GABRR1: variants seen among roughly 807,000 people sequenced by gnomAD.
The protein encoded by GABRR1 is gamma-aminobutyric acid receptor subunit rho-1.
A neutral mutation model predicts 55.5 loss-of-function variants in GABRR1; 59 were observed. That is an observed-to-expected ratio of 1.06 (90% CI 0.86 to 1.32). The LOEUF (loss-of-function observed/expected upper bound fraction) is 1.32. Among genes scored for constraint, GABRR1 ranks in the 40% most tolerant of loss-of-function variants. The pLI is 0.00. For synonymous variants in GABRR1, 213 were observed against 226.0 expected, an observed-to-expected ratio of 0.94 and a Z score of 0.51; for missense variants, 602 against 619.1, an observed-to-expected ratio of 0.97 and a Z score of 0.29.
At chr6:89,187,613 C>T (rs7751128) in intron 6 of GABRR1, among the ~76,000 whole-genome samples, 11 of 152,262 alleles carry the variant, frequency 7.2e-5, no homozygotes, top group East Asian at 5.8e-4. Flanking sequence ...TTAACAATAA[C>T]GCCTCATCCC....
intron 7 of GABRR1, 103 bp from the exon 8 acceptor site, chr6:89,182,160 T>C: frequency 9.4e-7 from 1 of 1,061,660 alleles, no homozygotes. Flanking sequence ...AATGGACTCT[T>C]ATCATGTCTT....
At position 89,178,842 on chromosome 6, in the gene GABRR1, A is replaced by G. The variant is rs759808072; in HGVS notation, c.1368T>C (p.Asp456=). Residue 456 remains aspartate, a synonymous_variant, in exon 10 of 10, where the codon GAT becomes GAC. Transcript: ENST00000454853. ...VSMRIDTHAI[D]KYSRIIFPAA... ...CTGGAAAGATGATCCTGGAGTATTT[A>G]TCAATGGCGTGGGTGTCGATTCTCA... is the stretch of plus-strand genomic sequence containing the variant. 1.2e-6 allele frequency: 2 copies of G among 1,614,202 alleles called. No individual in the cohort carries two copies. The highest frequency in any genetic ancestry group is 2.2e-5 in the South Asian group (2 of 91,088).
At chr6:89,217,389 T>A, upstream of GABRR1, 11 of 1,553,550 alleles carry the variant, frequency 7.1e-6, no homozygotes, top group Non-Finnish European at 9.6e-6. Flanking sequence ...TTTTTCTCTC[T>A]TAAGACATTA....
At chr6:89,204,661 A>G (rs1184586538) in intron 1 of GABRR1, 7 of 1,288,134 alleles carry the variant, frequency 5.4e-6, no homozygotes, top group Non-Finnish European at 7.1e-6. Context: ...AAATTCTGAG[A>G]TGCCACTGCC....
chr6:89,192,090 C>T (rs1419437237), intron 5 of GABRR1, among the ~76,000 whole-genome samples: 1 of 151,910 alleles, frequency 6.6e-6, no homozygotes, highest in Non-Finnish European at 1.5e-5. Context: ...TCAGTTTCTG[C>T]CTATCTCCGA....
intron 2 of GABRR1, among the ~76,000 whole-genome samples, 172 bp downstream of exon 2, chr6:89,203,263 C>A (rs1367468537): frequency 1.3e-5 from 2 of 152,020 alleles, no homozygotes; most frequent in Non-Finnish European, 2.9e-5. Flanking sequence ...CCAGGAGCCA[C>A]CCCGCCACCC....
In GABRR1 at chr6:89,199,405, T is replaced by A; in HGVS notation, c.305A>T (p.Asp102Val). ...FGGPAIPVGV[D>V]VQVESLDSIS... ...GCTATCCAAACTCTCCACCTGCACA[T>A]CCACACCAACAGGAATGGCAGGGCC... Residue 102 changes from aspartate (D) to valine (V), a missense_variant, in exon 4 of 10, where the codon GAT becomes GTT. By Grantham distance (152) the Asp-to-Val change is radical. Coordinates refer to ENST00000454853, the MANE Select transcript of GABRR1 (RefSeq NM_002042.5). 2 of 1,613,936 alleles carry A rather than the reference T, an allele frequency of 1.2e-6. No individual in the cohort carries two copies. Among genetic ancestry groups the A allele is most frequent in the Non-Finnish European group, 1.7e-6 (2 of 1,179,906 alleles).
intron 6 of GABRR1, among the ~76,000 whole-genome samples, chr6:89,186,917 C>A (rs918803136): frequency 5.3e-5 from 8 of 152,350 alleles, no homozygotes; most frequent in Non-Finnish European, 1.2e-4. Flanking sequence ...AATGTCCCTG[C>A]ACTCCTTGGT....
chr6:89,183,539 C>G (rs1209488154), intron 7 of GABRR1, among the ~76,000 whole-genome samples: 6 of 152,020 alleles, frequency 3.9e-5, no homozygotes, highest in Non-Finnish European at 5.9e-5. Flanking sequence ...CGAAATCATC[C>G]TGAAAGGTGA....
chr6:89,204,420 G>A (rs1002856003), intron 1 of GABRR1, among the ~76,000 whole-genome samples: 1 of 152,202 alleles, frequency 6.6e-6, no homozygotes, highest in Non-Finnish European at 1.5e-5. Flanking sequence ...AAGGACACCG[G>A]GGACAAAGTT....
upstream of GABRR1, among the ~76,000 whole-genome samples, chr6:89,218,702 T>C (rs2127810171): frequency 6.6e-6 from 1 of 152,362 alleles, no homozygotes; most frequent in South Asian, 2.1e-4. Flanking sequence ...ATAATGTTCA[T>C]TTAACGAGGT....
chr6:89,202,724 G>A (rs1475472333), intron 2 of GABRR1, among the ~76,000 whole-genome samples: 2 of 151,500 alleles, frequency 1.3e-5, no homozygotes, highest in African/African-American at 4.9e-5. Flanking sequence ...TTAGAGACAG[G>A]GTCTTGCTCT....
Position 89,216,099 on chromosome 6 carries a change from A to G in GABRR1, c.122+1102T>C, listed in dbSNP as rs147675569. Among the ~76,000 whole-genome samples, 432 of 152,290 alleles carry G rather than the reference A, an allele frequency of 2.8e-3. 1 individual carries two copies. Among genetic ancestry groups the G allele is most frequent in the African/African-American group, 0.01 (417 of 41,558 alleles). ...GCACAGTGGCCTCCCTTAGCACCCCAGGGCTCACCATGACCACTGGATATT... is the reference window on the plus strand; with the variant it reads ...GCACAGTGGCCTCCCTTAGCACCCCGGGGCTCACCATGACCACTGGATATT... On this transcript the variant is annotated intron_variant, in intron 1 of 9. Transcript: ENST00000454853.
chr6:89,214,695 A>G (rs1164345148), intron 1 of GABRR1, among the ~76,000 whole-genome samples: 1 of 152,218 alleles, frequency 6.6e-6, no homozygotes, highest in Non-Finnish European at 1.5e-5. Flanking sequence ...TTTGAACCAC[A>G]GTGAGATATC....
Position 89,178,715 on chromosome 6 carries a change from A to G in GABRR1, c.*55T>C, listed in dbSNP as rs1385940374. 7.6e-6 allele frequency: 11 copies of G among 1,453,354 alleles called. No individual in the cohort carries two copies. The highest frequency in any genetic ancestry group is 1.1e-5 in the Non-Finnish European group (11 of 1,043,056). 90.0% of individuals were successfully genotyped at this position (1,453,354 alleles called of 1,614,324 possible). The stretch of plus-strand genomic sequence containing the variant: ...ATCCTTAAATACTTTTTCATTATAC[A>G]GTTATTTCTGTAGTGCATGCCATGG... On this transcript the variant is annotated 3_prime_UTR_variant, in exon 10 of 10. Coordinates refer to ENST00000454853, the MANE Select transcript of GABRR1 (RefSeq NM_002042.5).
intron 2 of GABRR1, 116 bp from the exon 3 acceptor site, chr6:89,201,381 A>T (rs942284059): frequency 9.0e-6 from 6 of 670,278 alleles, no homozygotes; most frequent in Non-Finnish European, 1.6e-5. Flanking sequence ...TTCTTCTTTT[A>T]AGCTATTGGA....
chr6:89,184,264 A>AT (rs759615268), intron 7 of GABRR1, among the ~76,000 whole-genome samples: 19,468 of 149,688 alleles, frequency 0.13, 1,606 homozygotes, highest in Admixed American at 0.22. Flanking sequence ...AAAAAAAAAA[A>AT]AAATTCCTAG....
intron 1 of GABRR1, among the ~76,000 whole-genome samples, chr6:89,211,033 G>C (rs1484377806): frequency 6.6e-6 from 1 of 152,134 alleles, no homozygotes; most frequent in African/African-American, 2.4e-5. Flanking sequence ...GGTGTTGTGA[G>C]CATGGGAGCA....
chr6:89,178,771 T>C lies in GABRR1; in HGVS notation c.1439A>G (p.Ter480TrpextTer51). Reference protein sequence around the residue: ...FNLIYWSIFS* With the variant: ...FNLIYWSIFSW Reference sequence around the variant, plus strand: ...TGAAATTTGTAGAATTACAAGCATCTAGGAGAAAATAGACCAGTATATTAA... The same window carrying C: ...TGAAATTTGTAGAATTACAAGCATCCAGGAGAAAATAGACCAGTATATTAA... Residue 480 changes from the stop codon to tryptophan, a stop_lost, in exon 10 of 10, where the codon TAG (stop) becomes TGG (tryptophan). Transcript: ENST00000454853. The C allele has an allele frequency of 6.2e-7, 1 of 1,607,830 alleles. No homozygotes were observed. The highest frequency in any genetic ancestry group is 8.5e-7 in the Non-Finnish European group (1 of 1,174,332).
Sources: allele counts gnomAD v4.1 joint callset (sites outside exome capture counted in the v4.1 genomes callset), GRCh38; gene constraint gnomAD v4.1.1; transcripts MANE v1.5; gene names NCBI Gene and HGNC (gene_info 2026-07-23, HGNC 2026-07-21).